SLC37A2: variants seen among roughly 807,000 people sequenced by gnomAD.
The protein encoded by SLC37A2 is solute carrier family 37 member 2, also known as glucose-6-phosphate exchanger SLC37A2.
SLC37A2 carries 59 observed loss-of-function variants against 70.7 expected under a neutral mutation model. The ratio of observed to expected loss-of-function variants is 0.83; its 90% CI spans 0.68 to 1.04. The LOEUF is 1.04. Ranked by LOEUF, SLC37A2 falls within the 50% of genes least tolerant of loss-of-function variation. SLC37A2 has a pLI of 0.00. For synonymous variants in SLC37A2, 257 were observed against 262.1 expected (o/e 0.98, Z 0.19); for missense variants, 580 against 658.1 (o/e 0.88, Z 1.30).
rs767071319 is a variant in SLC37A2 at position 125,063,475 on chromosome 11, G to A, written c.59+49G>A. On this transcript the variant is annotated intron_variant, in intron 1 of 17. Transcript: ENST00000403796. The surrounding 1 kb of genome is among the most constrained non-coding windows in gnomAD (Gnocchi z 5.4). ...CGTGCCGGGACCTCCTGGGCTCGGG[G>A]CTTGCAGGGGCCGCGGGGGGCCTCG... 1.8e-5 allele frequency: 28 copies of A among 1,544,814 alleles called. No homozygotes were observed. In the South Asian group the frequency reaches 2.9e-4, roughly 16 times the overall value.
In SLC37A2 at chr11:125,076,765, G is replaced by A. The variant is rs966437031; in HGVS notation, c.68G>A (p.Gly23Asp). The A allele has an allele frequency of 1.2e-6, 2 of 1,613,962 alleles. No individual in the cohort carries two copies. Among genetic ancestry groups the A allele is most frequent in the Non-Finnish European group, 1.7e-6 (2 of 1,179,998 alleles). Residue 23 changes from glycine to aspartate, a missense_variant, in exon 2 of 18, where the codon GGC becomes GAC. Physicochemically the swap from Gly to Asp is moderately conservative, Grantham distance 94 (BLOSUM62 -1). Coordinates refer to ENST00000403796, the MANE Select transcript of SLC37A2 (RefSeq NM_001145290.2). The part of the protein sequence containing the change: ...RAFSRDSWFR[G>D]LILLLTFLIY... ...GCTGTCCCTTCCTGCAGGTTCCGAG[G>A]CCTCATCCTGCTGCTGACCTTCCTA...
chr11:125,084,406 C>A, intron 12 of SLC37A2, 87 bp downstream of exon 12: 2 of 1,320,140 alleles, frequency 1.5e-6, no homozygotes, highest in Non-Finnish European at 1.1e-6. Context: ...CCACGCGTTA[C>A]ACACATTGAT....
chr11:125,071,907 C>T (rs1188800187), intron 1 of SLC37A2, among the ~76,000 whole-genome samples: 2 of 152,172 alleles, frequency 1.3e-5, no homozygotes, highest in Non-Finnish European at 2.9e-5. Context: ...CTGTGCCCAG[C>T]CCTCTATCCT....
chr11:125,070,949 C>T (rs775557564), intron 1 of SLC37A2, among the ~76,000 whole-genome samples: 1 of 152,214 alleles, frequency 6.6e-6, no homozygotes, highest in Non-Finnish European at 1.5e-5. Flanking sequence ...AGCAAGGTTT[C>T]GAAATAGTCT....
At chr11:125,081,143 G>A (rs1452764659) in intron 7 of SLC37A2, among the ~76,000 whole-genome samples, 2 of 152,080 alleles carry the variant, frequency 1.3e-5, no homozygotes, top group African/African-American at 2.4e-5. Context: ...GCACTAGCCA[G>A]GCCAGGTATG....
chr11:125,082,249 G>T lies in SLC37A2; in HGVS notation c.891G>T (p.Val297=). The T allele has an allele frequency of 6.2e-7, 1 of 1,613,940 alleles. No homozygotes were observed. Among genetic ancestry groups the T allele is most frequent in the Non-Finnish European group, 8.5e-7 (1 of 1,179,908 alleles). ...SFFGALRIPG[V]VEFSLCLLFA... ...CCCCCTGTTGCACTCCCCAGGGCGT[G>T]GTCGAGTTCTCTCTGTGTCTGCTGT... Residue 297 remains valine, a synonymous_variant, in exon 10 of 18, where the codon GTG becomes GTT. Coordinates refer to ENST00000403796, the MANE Select transcript of SLC37A2 (RefSeq NM_001145290.2).
At chr11:125,076,989 C>A in intron 2 of SLC37A2, 151 bp downstream of exon 2, 2 of 812,550 alleles carry the variant, frequency 2.5e-6, no homozygotes, top group Non-Finnish European at 2.0e-6. Context: ...AGTTTATTCC[C>A]CAAGACAGCT....
chr11:125,081,684 G>A, intron 8 of SLC37A2, 70 bp from the exon 9 acceptor site: 1 of 1,510,220 alleles, frequency 6.6e-7, no homozygotes, highest in Non-Finnish European at 8.9e-7. Flanking sequence ...CTCTTGCCTG[G>A]GCTGCACCTT....
At chr11:125,085,021 CG>C (rs1565400109) in intron 13 of SLC37A2, 44 bp from the exon 14 acceptor site, 1 of 1,602,230 alleles carries the variant, frequency 6.2e-7, no homozygotes, top group Non-Finnish European at 8.6e-7. Flanking sequence ...GTTGGGGCTG[CG>C]GGTGGTGCTG....
chr11:125,069,690 A>T (rs192727194), intron 1 of SLC37A2, among the ~76,000 whole-genome samples: 1 of 152,252 alleles, frequency 6.6e-6, no homozygotes, highest in Non-Finnish European at 1.5e-5. Context: ...AAGTAGTAAC[A>T]TGTAGCTCCA....
At position 125,079,588 on chromosome 11, in the gene SLC37A2, C is replaced by G. The variant is rs1371068066; in HGVS notation, c.451-96C>G. 5.2e-6 allele frequency: 5 copies of G among 965,964 alleles called. No individual in the cohort carries two copies. The African/African-American group carries it at 8.1e-5, about 16-fold the overall frequency. 59.8% of individuals were successfully genotyped at this position (965,964 alleles called of 1,614,324 possible). ...GTGTGGGGTATGGAGGGCCCCTTGG[C>G]CACGAAATTGAACCTCCTCAGCCCA... On this transcript the variant is annotated intron_variant, in intron 5 of 17. Coordinates refer to ENST00000403796, the MANE Select transcript of SLC37A2 (RefSeq NM_001145290.2).
chr11:125,066,348 A>C (rs1430096317), intron 1 of SLC37A2, among the ~76,000 whole-genome samples: 1 of 152,230 alleles, frequency 6.6e-6, no homozygotes, highest in Non-Finnish European at 1.5e-5. Flanking sequence ...ACTGTAGTGC[A>C]CCATGATCAT....
intron 1 of SLC37A2, among the ~76,000 whole-genome samples, chr11:125,069,113 A>G (rs1949006458): frequency 6.6e-6 from 1 of 152,198 alleles, no homozygotes; most frequent in African/African-American, 2.4e-5. Flanking sequence ...ATGATTGACT[A>G]TATTCTATTT....
intron 8 of SLC37A2, 49 bp from the exon 9 acceptor site, chr11:125,081,705 G>A: frequency 6.6e-7 from 1 of 1,521,186 alleles, no homozygotes; most frequent in Non-Finnish European, 8.8e-7. Flanking sequence ...CAGCTGGTGG[G>A]AGGCAGCACA....
In SLC37A2 at chr11:125,085,096, A is replaced by G. The variant is rs1207188082; in HGVS notation, c.1205A>G (p.Asn402Ser). Residue 402 changes from asparagine to serine, a missense_variant, in exon 14 of 18, where the codon AAT becomes AGT. By Grantham distance (46) the Asn-to-Ser change is conservative (BLOSUM62 1). Coordinates refer to ENST00000403796, the MANE Select transcript of SLC37A2 (RefSeq NM_001145290.2). Reference protein sequence around the residue: ...VMLIICGGLVNGPYALITTAV... With the variant: ...VMLIICGGLVSGPYALITTAV... ...CTGATCATCTGTGGGGGCCTGGTCA[A>G]TGGCCCATACGCGCTCATCACCACT... 1 of 1,613,980 alleles carries G rather than the reference A, an allele frequency of 6.2e-7. No homozygotes were observed. The highest frequency in any genetic ancestry group is 8.5e-7 in the Non-Finnish European group (1 of 1,179,994).
rs143738181 is a variant in SLC37A2 at position 125,081,993 on chromosome 11, A to G, written c.885+87A>G. 1.2e-4 allele frequency: 179 copies of G among 1,447,496 alleles called. 1 individual carries two copies. The East Asian group carries it at 2.2e-3, about 18-fold the overall frequency. 89.7% of individuals were successfully genotyped at this position (1,447,496 alleles called of 1,614,324 possible). On this transcript the variant is annotated intron_variant, in intron 9 of 17. Transcript: ENST00000403796. ...AGGAGATGGGGTGCTTGGGTGATCTATTTTTCTAGAACTTCTTTATAGGGG... is the reference window on the plus strand; with the variant it reads ...AGGAGATGGGGTGCTTGGGTGATCTGTTTTTCTAGAACTTCTTTATAGGGG...
intron 10 of SLC37A2, 119 bp downstream of exon 10, chr11:125,082,453 G>GA: frequency 2.3e-6 from 2 of 861,908 alleles, no homozygotes; most frequent in South Asian, 1.4e-5. Flanking sequence ...AATTCCTGCT[G>GA]AACCTCTCCT....
Position 125,079,101 on chromosome 11 carries a change from C to T in SLC37A2, c.315-11C>T, listed in dbSNP as rs758008739. ...GGAGCTTAACCGCAGATCCAACTTT[C>T]TCTTCCCCAGTGGGGTTTTTGGGGA... On this transcript the variant is annotated splice_polypyrimidine_tract_variant and intron_variant, in intron 4 of 17. Coordinates refer to ENST00000403796, the MANE Select transcript of SLC37A2 (RefSeq NM_001145290.2). The T allele has an allele frequency of 2.5e-6, 4 of 1,613,994 alleles. No homozygotes were observed. Among genetic ancestry groups the T allele is most frequent in the African/African-American group, 2.7e-5 (2 of 74,938 alleles).
intron 1 of SLC37A2, among the ~76,000 whole-genome samples, chr11:125,076,215 G>T (rs572557018): frequency 6.6e-6 from 1 of 152,134 alleles, no homozygotes; most frequent in Admixed American, 6.5e-5. Flanking sequence ...GAGGGCTGGG[G>T]TCTGTCACCA....
Sources: allele counts gnomAD v4.1 joint callset (sites outside exome capture counted in the v4.1 genomes callset), GRCh38; gene constraint gnomAD v4.1.1; non-coding constraint Gnocchi (gnomAD v3.1); transcripts MANE v1.5; gene names NCBI Gene and HGNC (gene_info 2026-07-23, HGNC 2026-07-21).